The following CCDC149 variants were observed in gnomAD, a reference collection of about 807,000 sequenced individuals.
CCDC149 encodes the protein coiled-coil domain containing 149.
In CCDC149, 45 loss-of-function variants were observed where a neutral mutation model predicts 59.9. The observed-to-expected ratio is 0.75, with a 90% CI of 0.59 to 0.96. The LOEUF is 0.96. Ranked by LOEUF, CCDC149 falls within the 40% of genes least tolerant of loss-of-function variation. The probability of loss-of-function intolerance (pLI) is 0.00; values close to 1 mark genes in which losing one functional copy is unlikely to be tolerated. For missense variants in CCDC149, 584 were observed against 664.7 expected, an observed-to-expected ratio of 0.88 and a Z score of 1.33; for synonymous variants, 245 against 260.6, an observed-to-expected ratio of 0.94 and a Z score of 0.58.
At chr4:24,931,829 G>GTGTATATATATATATATATATATA (rs1373905167) in intron 1 of CCDC149, among the ~76,000 whole-genome samples, 1 of 76,904 alleles carries the variant, frequency 1.3e-5, no homozygotes, top group African/African-American at 6.1e-5. Context: ...TGGAGAGTAT[G>GTGTATATATATATATATATATATA]TATATATATA....
At chr4:24,849,819 T>C (rs1214889756) in intron 4 of CCDC149, among the ~76,000 whole-genome samples, 1 of 152,236 alleles carries the variant, frequency 6.6e-6, no homozygotes, top group African/African-American at 2.4e-5. Context: ...ACTCATAAAA[T>C]GACGCCATCA....
chr4:24,967,431 C>A (rs1411591754), intron 1 of CCDC149, among the ~76,000 whole-genome samples: 1 of 152,144 alleles, frequency 6.6e-6, no homozygotes, highest in East Asian at 1.9e-4. Context: ...AATAAAGTAA[C>A]ACCCCCTTCG....
intron 1 of CCDC149, among the ~76,000 whole-genome samples, chr4:24,971,950 T>C (rs1723981951): frequency 6.6e-6 from 1 of 152,228 alleles, no homozygotes; most frequent in Admixed American, 6.5e-5. Flanking sequence ...CAGTTGCTGA[T>C]CAAAAAATCT....
intron 4 of CCDC149, among the ~76,000 whole-genome samples, chr4:24,838,489 G>A (rs543526901): frequency 6.6e-6 from 1 of 152,232 alleles, no homozygotes; most frequent in East Asian, 1.9e-4. Context: ...TAAGGCCTGG[G>A]CACTCTAGGC....
chr4:24,924,923 C>T (rs1175337392), intron 1 of CCDC149, among the ~76,000 whole-genome samples: 2 of 152,168 alleles, frequency 1.3e-5, no homozygotes, highest in Non-Finnish European at 2.9e-5. Flanking sequence ...TGGCCACATC[C>T]ACTGGCTACA....
At chr4:24,878,325 T>C (rs189384957) in intron 1 of CCDC149, among the ~76,000 whole-genome samples, 75 of 152,230 alleles carry the variant, frequency 4.9e-4, no homozygotes, top group African/African-American at 1.6e-3. Context: ...CACTTCCACC[T>C]TGGATGAATT....
intron 1 of CCDC149, among the ~76,000 whole-genome samples, chr4:24,958,274 A>T (rs573459084): frequency 6.6e-6 from 1 of 152,280 alleles, no homozygotes; most frequent in South Asian, 2.1e-4. Flanking sequence ...TGATTATACC[A>T]GAAGACTTTC....
intron 1 of CCDC149, among the ~76,000 whole-genome samples, chr4:24,964,757 CA>C (rs1723745849): frequency 6.6e-6 from 1 of 152,114 alleles, no homozygotes; most frequent in African/African-American, 2.4e-5. Context: ...ACAATAAACC[CA>C]AAGAAATTCA....
chr4:24,811,357 C>A (rs890998717), intron 12 of CCDC149, among the ~76,000 whole-genome samples: 8 of 151,904 alleles, frequency 5.3e-5, no homozygotes, highest in Non-Finnish European at 8.8e-5. Flanking sequence ...TATCCTGCGT[C>A]CCCCCTGCTT....
At chr4:24,949,546 T>A (rs1723218778) in intron 1 of CCDC149, among the ~76,000 whole-genome samples, 1 of 152,338 alleles carries the variant, frequency 6.6e-6, no homozygotes, top group East Asian at 1.9e-4. Context: ...GCACCTCTAC[T>A]GACCCAGATG....
At chr4:24,963,122 G>A (rs1723691146) in intron 1 of CCDC149, among the ~76,000 whole-genome samples, 1 of 152,096 alleles carries the variant, frequency 6.6e-6, no homozygotes. Flanking sequence ...AATCAAGCAG[G>A]GAGTTGATCT....
intron 1 of CCDC149, among the ~76,000 whole-genome samples, chr4:24,963,831 G>C (rs1420916602): frequency 6.6e-6 from 1 of 152,216 alleles, no homozygotes; most frequent in Non-Finnish European, 1.5e-5. Flanking sequence ...CTTGAAACAA[G>C]TAAAGAATAT....
chr4:24,946,534 G>A (rs1340991840), intron 1 of CCDC149, among the ~76,000 whole-genome samples: 1 of 152,102 alleles, frequency 6.6e-6, no homozygotes, highest in African/African-American at 2.4e-5. Context: ...ACAAATGGCG[G>A]GTACTTGGTA....
At chr4:24,875,824 T>C (rs1336928531) in intron 2 of CCDC149, among the ~76,000 whole-genome samples, 3 of 152,198 alleles carry the variant, frequency 2.0e-5, no homozygotes, top group Non-Finnish European at 2.9e-5. Context: ...TGTAGACTTA[T>C]GAATCCTCTT....
chr4:24,902,977 A>G (rs1272892260), intron 1 of CCDC149, among the ~76,000 whole-genome samples: 1 of 125,388 alleles, frequency 8.0e-6, no homozygotes, highest in Non-Finnish European at 1.6e-5. Context: ...GTGAGCCGAG[A>G]CTGTGCCATT....
intron 1 of CCDC149, among the ~76,000 whole-genome samples, chr4:24,970,335 A>C (rs1016124772): frequency 1.3e-5 from 2 of 152,238 alleles, no homozygotes; most frequent in East Asian, 1.9e-4. Context: ...AGACAACTGC[A>C]CATGGCTGGA....
intron 1 of CCDC149, among the ~76,000 whole-genome samples, chr4:24,934,179 G>T (rs564175875): frequency 4.6e-5 from 7 of 152,326 alleles, no homozygotes; most frequent in African/African-American, 1.7e-4. Flanking sequence ...TTGAATTGTA[G>T]CTCCTATAAT....
chr4:24,942,012 T>C (rs1722969370), intron 1 of CCDC149, among the ~76,000 whole-genome samples: 1 of 152,082 alleles, frequency 6.6e-6, no homozygotes, highest in Non-Finnish European at 1.5e-5. Context: ...TTCCAATCAA[T>C]AGAAAAAGAG....
rs1365518515 is a variant in CCDC149 at position 24,836,425 on chromosome 4, G to A, written c.735+11C>T. 2 of 1,573,640 alleles carry A rather than the reference G, an allele frequency of 1.3e-6. No homozygotes were observed. The highest frequency in any genetic ancestry group is 1.3e-5 in the African/African-American group (1 of 74,088). On this transcript the variant is annotated intron_variant, in intron 7 of 12. Coordinates refer to ENST00000635206, the MANE Select transcript of CCDC149 (RefSeq NM_001330643.2). ...AGTCAATCACCATCACTGTCATCAT[G>A]ATTTTGCTACCTTGTATTTGGCAAT... is the stretch of plus-strand genomic sequence containing the variant.
Sources: allele counts gnomAD v4.1 joint callset (sites outside exome capture counted in the v4.1 genomes callset), GRCh38; gene constraint gnomAD v4.1.1; transcripts MANE v1.5; gene names NCBI Gene and HGNC (gene_info 2026-07-23, HGNC 2026-07-21).